Variants in NLGN1 observed in about 807,000 individuals in gnomAD.
NLGN1 encodes the protein neuroligin 1.
In NLGN1, 12 loss-of-function variants were observed where a neutral mutation model predicts 65.5. The ratio of observed to expected loss-of-function variants is 0.18; its 90% CI spans 0.12 to 0.30. The LOEUF (loss-of-function observed/expected upper bound fraction) is 0.30, where lower values mean the gene tolerates loss of function less well. Among genes scored for constraint, NLGN1 ranks in the 10% least tolerant of loss-of-function variants. The probability of loss-of-function intolerance (pLI) is 1.00; values close to 1 mark genes in which losing one functional copy is unlikely to be tolerated. For missense variants in NLGN1, 750 were observed against 1,007.1 expected, an observed-to-expected ratio of 0.74 and a Z score of 3.46; for synonymous variants, 350 against 359.5, an observed-to-expected ratio of 0.97 and a Z score of 0.30.
At chr3:174,138,656 G>C (rs533876824) in intron 4 of NLGN1, among the ~76,000 whole-genome samples, 1 of 151,862 alleles carries the variant, frequency 6.6e-6, no homozygotes, top group East Asian at 1.9e-4. Context: ...GGATGGTCTT[G>C]ATCTCCTGAC....
intron 4 of NLGN1, among the ~76,000 whole-genome samples, chr3:174,114,391 A>C (rs1169012445): frequency 6.6e-6 from 1 of 152,204 alleles, no homozygotes; most frequent in East Asian, 1.9e-4. Context: ...AGCTGTAAAA[A>C]TGATCTCTCT....
At chr3:173,567,861 C>T (rs1438725639) in intron 2 of NLGN1, among the ~76,000 whole-genome samples, 1 of 152,054 alleles carries the variant, frequency 6.6e-6, no homozygotes, top group Admixed American at 6.5e-5. Flanking sequence ...AATATTTACC[C>T]TCTTAGTAAA....
At chr3:173,942,740 T>C (rs1368312701) in intron 4 of NLGN1, among the ~76,000 whole-genome samples, 1 of 152,190 alleles carries the variant, frequency 6.6e-6, no homozygotes, top group Non-Finnish European at 1.5e-5. Context: ...GCTTCAAATA[T>C]TACCTTCCAT....
intron 2 of NLGN1, among the ~76,000 whole-genome samples, chr3:173,461,804 A>G (rs1723441789): frequency 6.6e-6 from 1 of 152,096 alleles, no homozygotes; most frequent in African/African-American, 2.4e-5. Context: ...TTGCCTCCTC[A>G]CCTACTTTTT....
intron 4 of NLGN1, among the ~76,000 whole-genome samples, chr3:173,842,949 T>C (rs1725055942): frequency 6.6e-6 from 1 of 152,200 alleles, no homozygotes; most frequent in Admixed American, 6.5e-5. Context: ...AGGTTCTCCA[T>C]GAGAGCCGTG....
chr3:174,040,525 G>GA (rs1322003558), intron 4 of NLGN1, among the ~76,000 whole-genome samples: 1 of 151,910 alleles, frequency 6.6e-6, no homozygotes, highest in African/African-American at 2.4e-5. Flanking sequence ...CATTATACAA[G>GA]AAAAAAATTG....
rs749749824 is a variant in NLGN1, at chr3:173,747,801, CTTTTTTTTTTT to C, written c.494-59859_494-59849del. ...AATTTTCTTTCTTCTTCTTCTTGTT[CTTTTTTTTTTT>C]TTTTTTTTTTTTTTTTTTTGAGACA... is the stretch of plus-strand genomic sequence containing the variant. On this transcript the variant is annotated intron_variant, in intron 3 of 6. Transcript: ENST00000457714. Among the ~76,000 whole-genome samples the C allele has an allele frequency of 2.2e-4, 14 of 64,422 alleles. 1 individual carries two copies. Among genetic ancestry groups the C allele is most frequent in the African/African-American group, 6.2e-4 (10 of 16,084 alleles). The allele number at this position is 64,422 out of a possible 152,430, so 42.3% of individuals were successfully genotyped here. A position where few individuals can be genotyped will look rare whatever the true frequency, so the allele number is the denominator to read the frequency against.
At chr3:173,984,966 C>A (rs1048010120) in intron 4 of NLGN1, among the ~76,000 whole-genome samples, 7 of 152,118 alleles carry the variant, frequency 4.6e-5, no homozygotes, top group Non-Finnish European at 8.8e-5. Context: ...TGCTTTAACC[C>A]AGGAGGTGGA....
In NLGN1 at chr3:173,539,420, T is replaced by C. The variant is rs185100640; in HGVS notation, c.-320-64859T>C. The stretch of plus-strand genomic sequence containing the variant: ...ATATATATGTTATATATTATATATG[T>C]TATATATAACATATATATGTACATG... On this transcript the variant is annotated intron_variant, in intron 2 of 6. Coordinates refer to ENST00000457714, the Ensembl canonical transcript of NLGN1. Among the ~76,000 whole-genome samples, 476 of 146,280 alleles carry C rather than the reference T, an allele frequency of 3.3e-3. 1 individual carries two copies. The highest frequency in any genetic ancestry group is 0.011 in the African/African-American group (440 of 40,204).
intron 4 of NLGN1, among the ~76,000 whole-genome samples, chr3:173,999,972 T>C (rs1218104003): frequency 1.3e-5 from 2 of 152,110 alleles, no homozygotes; most frequent in African/African-American, 2.4e-5. Flanking sequence ...AACAGGTTTT[T>C]TTTTTTCTGG....
chr3:174,043,222 TG>T lies in NLGN1; in HGVS notation c.647-232089del, dbSNP rs572583051. 5.3e-5 allele frequency among the ~76,000 whole-genome samples: 8 copies of T among 152,220 alleles called. No homozygotes were observed. The East Asian group carries it at 1.6e-3, about 30-fold the overall frequency. ...ACTACAATTCAAGATGAGATTTGAGTGGGGACACAGCCAAACCATATCATTC... is the reference window on the plus strand; with the variant it reads ...ACTACAATTCAAGATGAGATTTGAGTGGGACACAGCCAAACCATATCATTC... On this transcript the variant is annotated intron_variant, in intron 4 of 6. Transcript: ENST00000457714.
intron 3 of NLGN1, among the ~76,000 whole-genome samples, chr3:173,683,273 G>C (rs1235433119): frequency 6.6e-6 from 1 of 152,018 alleles, no homozygotes; most frequent in Non-Finnish European, 1.5e-5. Context: ...CACATTTCAA[G>C]TCCTCCTTCC....
intron 4 of NLGN1, among the ~76,000 whole-genome samples, chr3:173,868,857 A>G (rs1369690502): frequency 6.6e-6 from 1 of 152,128 alleles, no homozygotes. Flanking sequence ...CACAATATTT[A>G]CATGAGGTAC....
intron 4 of NLGN1, among the ~76,000 whole-genome samples, chr3:173,960,874 C>T (rs1199697675): frequency 6.6e-6 from 1 of 151,742 alleles, no homozygotes; most frequent in East Asian, 1.9e-4. Flanking sequence ...GTGTTTATGT[C>T]TGATCTACCT....
intron 4 of NLGN1, among the ~76,000 whole-genome samples, chr3:173,880,776 T>C (rs2150923875): frequency 6.6e-6 from 1 of 152,208 alleles, no homozygotes; most frequent in African/African-American, 2.4e-5. Context: ...AACAAGGAAG[T>C]TTGCCACTTC....
chr3:174,269,017 C>T (rs1748834606), intron 4 of NLGN1, among the ~76,000 whole-genome samples: 1 of 151,474 alleles, frequency 6.6e-6, no homozygotes, highest in African/African-American at 2.4e-5. Context: ...CTTTATCCTT[C>T]ATTGCTTTCT....
At chr3:174,031,411 G>GT (rs1361659931) in intron 4 of NLGN1, among the ~76,000 whole-genome samples, 1 of 152,226 alleles carries the variant, frequency 6.6e-6, no homozygotes, top group East Asian at 1.9e-4. Context: ...GTTTCTGTTT[G>GT]TAAGTGTAAA....
intron 4 of NLGN1, among the ~76,000 whole-genome samples, chr3:173,819,323 C>T (rs1427331606): frequency 6.6e-6 from 1 of 152,112 alleles, no homozygotes; most frequent in Non-Finnish European, 1.5e-5. Flanking sequence ...TTACTTTAAT[C>T]CAAGAGCACC....
At chr3:174,001,278 C>A (rs1723241195) in intron 4 of NLGN1, among the ~76,000 whole-genome samples, 2 of 151,064 alleles carry the variant, frequency 1.3e-5, no homozygotes, top group Admixed American at 1.3e-4. Context: ...CTGAGAGGGT[C>A]AGCGAGAGGG....
Sources: allele counts gnomAD v4.1 joint callset (sites outside exome capture counted in the v4.1 genomes callset), GRCh38; gene constraint gnomAD v4.1.1; transcripts MANE v1.5; gene names NCBI Gene and HGNC (gene_info 2026-07-23, HGNC 2026-07-21).